KLF12: variants seen among roughly 807,000 people sequenced by gnomAD.
KLF12 encodes the protein KLF transcription factor 12.
A neutral mutation model predicts 37.8 loss-of-function variants in KLF12; 9 were observed. That is an observed-to-expected ratio of 0.24 (90% CI 0.14 to 0.42). KLF12 has a LOEUF of 0.42. Among genes scored for constraint, KLF12 ranks in the 10% least tolerant of loss-of-function variants. KLF12 has a pLI of 1.00. For synonymous variants in KLF12, 208 were observed against 202.1 expected (o/e 1.03, Z -0.25); for missense variants, 411 against 516.0 (o/e 0.80, Z 1.97).
At chr13:73,927,939 C>T (rs568576359) in intron 3 of KLF12, among the ~76,000 whole-genome samples, 1 of 151,652 alleles carries the variant, frequency 6.6e-6, no homozygotes, top group Admixed American at 6.6e-5. Context: ...CTCACTGCAA[C>T]CTCCGCCTCC....
At chr13:74,103,305 A>G (rs1262331220) in intron 1 of KLF12, among the ~76,000 whole-genome samples, 1 of 152,240 alleles carries the variant, frequency 6.6e-6, no homozygotes, top group Non-Finnish European at 1.5e-5. Flanking sequence ...AAATAGGAGT[A>G]TCCTTGTAGC....
At chr13:73,834,456 A>G (rs1341686071) in intron 4 of KLF12, among the ~76,000 whole-genome samples, 1 of 152,106 alleles carries the variant, frequency 6.6e-6, no homozygotes, top group East Asian at 1.9e-4. Flanking sequence ...TGTTTTCCTG[A>G]ACTCTTTCTG....
intron 3 of KLF12, among the ~76,000 whole-genome samples, chr13:73,918,136 G>A (rs1203793109): frequency 6.6e-6 from 1 of 151,912 alleles, no homozygotes; most frequent in Non-Finnish European, 1.5e-5. Flanking sequence ...GAGAGAGAGA[G>A]AGATGTATTT....
intron 1 of KLF12, among the ~76,000 whole-genome samples, chr13:74,054,942 CAT>C (rs1162147439): frequency 1.3e-5 from 2 of 152,128 alleles, no homozygotes; most frequent in East Asian, 1.9e-4. Context: ...TGTATGGACA[CAT>C]GACATTTATT....
At chr13:74,211,981 T>A in the KLF12 span, among the ~76,000 whole-genome samples, 1 of 152,190 alleles carries the variant, frequency 6.6e-6, no homozygotes, top group African/African-American at 2.4e-5. Context: ...ATGCATTGCT[T>A]TTTTTTACAT....
chr13:73,937,647 T>TC (rs1890010063), intron 3 of KLF12, among the ~76,000 whole-genome samples: 1 of 152,102 alleles, frequency 6.6e-6, no homozygotes. Flanking sequence ...AGAAAGTACA[T>TC]TGCTAAAGGG....
chr13:74,015,927 C>G (rs1892677699), intron 1 of KLF12, among the ~76,000 whole-genome samples: 1 of 152,094 alleles, frequency 6.6e-6, no homozygotes, highest in Non-Finnish European at 1.5e-5. Flanking sequence ...CAGATACTAT[C>G]CTTTTATCAT....
At chr13:74,164,900 C>T in the KLF12 span, among the ~76,000 whole-genome samples, 3 of 152,008 alleles carry the variant, frequency 2.0e-5, no homozygotes, top group Non-Finnish European at 4.4e-5. Context: ...TGATGGTTAC[C>T]AGAGGCTGGG....
At chr13:73,999,282 A>G (rs1033583540) in intron 1 of KLF12, among the ~76,000 whole-genome samples, 68 of 152,352 alleles carry the variant, frequency 4.5e-4, no homozygotes, top group African/African-American at 1.4e-3. Flanking sequence ...TTATTCTCCT[A>G]TAAGTATCCA....
At chr13:73,746,068 CAA>C (rs10568862) in intron 6 of KLF12, among the ~76,000 whole-genome samples, 21,227 of 130,884 alleles carry the variant, frequency 0.16, 1,544 homozygotes, top group Middle Eastern at 0.24. Flanking sequence ...AGGAAACCAC[CAA>C]AAAAAAAAAA....
chr13:74,225,094 A>G, the KLF12 span, among the ~76,000 whole-genome samples: 2 of 152,194 alleles, frequency 1.3e-5, no homozygotes, highest in African/African-American at 4.8e-5. Flanking sequence ...ACATAACAGA[A>G]TTAAGCAAAA....
chr13:74,135,316 G>A (rs1283879902), upstream of KLF12, among the ~76,000 whole-genome samples: 2 of 151,946 alleles, frequency 1.3e-5, no homozygotes, highest in Non-Finnish European at 2.9e-5. Flanking sequence ...CCCCCGCGGG[G>A]CCCGGGGGCG....
rs944891044 is a variant in KLF12, at chr13:73,686,829, C to A, written c.*8661G>T. 5.3e-5 allele frequency: 8 copies of A among 152,104 alleles called. No individual in the cohort carries two copies. The highest frequency in any genetic ancestry group is 1.9e-4 in the East Asian group (1 of 5,196). The allele number at this position is 152,104 out of a possible 1,614,324, so 9.4% of individuals were successfully genotyped here. On this transcript the variant is annotated 3_prime_UTR_variant, in exon 8 of 8. Transcript: ENST00000377669. Reference sequence around the variant, plus strand: ...TAAAGGATGTTTCTGTATTTTCACACGGACAGATCTCGTGATCCAATCACC... The same window carrying A: ...TAAAGGATGTTTCTGTATTTTCACAAGGACAGATCTCGTGATCCAATCACC...
chr13:74,027,824 A>C (rs903202269), intron 1 of KLF12, among the ~76,000 whole-genome samples: 3 of 152,194 alleles, frequency 2.0e-5, no homozygotes, highest in African/African-American at 7.2e-5. Context: ...TCTTCACATA[A>C]AAAGTCAACA....
chr13:74,243,129 C>T, the KLF12 span, among the ~76,000 whole-genome samples: 302 of 152,188 alleles, frequency 2.0e-3, 3 homozygotes, highest in African/African-American at 6.4e-3. Context: ...TGACAGGCCC[C>T]GGTGTGTGAT....
At chr13:74,197,441 T>G in the KLF12 span, among the ~76,000 whole-genome samples, 1 of 144,718 alleles carries the variant, frequency 6.9e-6, no homozygotes, top group Non-Finnish European at 1.5e-5. Flanking sequence ...TCCCTCCAAT[T>G]GTTTACAAGC....
At chr13:74,096,388 CCT>C (rs1028800788) in intron 1 of KLF12, among the ~76,000 whole-genome samples, 17 of 152,212 alleles carry the variant, frequency 1.1e-4, no homozygotes, top group East Asian at 9.6e-4. Flanking sequence ...GAAGAAATCC[CCT>C]CTCTCTCCAG....
chr13:74,096,161 A>AAAACTTCC (rs1875975667), intron 1 of KLF12, among the ~76,000 whole-genome samples: 1 of 152,160 alleles, frequency 6.6e-6, no homozygotes, highest in Admixed American at 6.5e-5. Context: ...GAAAGCTCAG[A>AAAACTTCC]AAACTTCCAT....
chr13:74,123,494 C>G (rs559672737), intron 1 of KLF12, among the ~76,000 whole-genome samples: 15 of 152,316 alleles, frequency 9.8e-5, no homozygotes, highest in African/African-American at 3.6e-4. Context: ...GGACAAAGCC[C>G]ATGTTTTATC....
Sources: allele counts gnomAD v4.1 joint callset (sites outside exome capture counted in the v4.1 genomes callset), GRCh38; gene constraint gnomAD v4.1.1; transcripts MANE v1.5; gene names NCBI Gene and HGNC (gene_info 2026-07-23, HGNC 2026-07-21).